The following PHLPP1 variants were observed in gnomAD, a reference collection of about 807,000 sequenced individuals.
The protein encoded by PHLPP1 is PH domain and leucine rich repeat protein phosphatase 1.
PHLPP1 carries 42 observed loss-of-function variants against 117.2 expected under a neutral mutation model. The ratio of observed to expected loss-of-function variants is 0.36; its 90% confidence interval spans 0.28 to 0.46. PHLPP1 has a LOEUF of 0.46. PHLPP1 is among the 20% of genes least tolerant of loss of function. PHLPP1 has a pLI of 1.00. For synonymous variants in PHLPP1, 1,042 were observed against 970.7 expected (o/e 1.07, Z -1.37); for missense variants, 2,084 against 2,241.9 (o/e 0.93, Z 1.42).
rs1044518652 is a variant in PHLPP1 at position 62,925,596 on chromosome 18, G to T, written c.2960+5482G>T. ...GCATGATCGATTGACCATGACAACT[G>T]GTGCCTTTTGGCAAAGACAGATATT... is the stretch of plus-strand genomic sequence containing the variant. On this transcript the variant is annotated intron_variant, in intron 10 of 16. Transcript: ENST00000262719. Among the ~76,000 whole-genome samples the T allele has an allele frequency of 8.5e-5, 13 of 152,084 alleles. 1 individual carries two copies. The highest frequency in any genetic ancestry group is 3.1e-4 in the African/African-American group (13 of 41,354).
intron 3 of PHLPP1, chr18:62,839,692 T>C (rs919183784): frequency 6.7e-6 from 1 of 148,358 alleles, no homozygotes; most frequent in Non-Finnish European, 1.5e-5. Flanking sequence ...ACTACAGCCT[T>C]GGTGACAGAG....
intron 8 of PHLPP1, among the ~76,000 whole-genome samples, chr18:62,911,906 T>C (rs1916957398): frequency 1.0e-4 from 1 of 10,022 alleles, no homozygotes; most frequent in Non-Finnish European, 2.0e-4. Flanking sequence ...CCAACCCAAA[T>C]GTCCAACAAT....
chr18:62,813,987 C>T (rs1324305336), intron 1 of PHLPP1, among the ~76,000 whole-genome samples: 2 of 151,448 alleles, frequency 1.3e-5, no homozygotes, highest in African/African-American at 2.4e-5. Flanking sequence ...TACTTTAGCC[C>T]TATGTTTGCA....
In PHLPP1 at chr18:62,978,759, C is replaced by T. The variant is rs1360908548; in HGVS notation, c.4482C>T (p.Ala1494=). The T allele has an allele frequency of 1.9e-6, 3 of 1,613,208 alleles. No homozygotes were observed. The highest frequency in any genetic ancestry group is 2.5e-6 in the Non-Finnish European group (3 of 1,179,780). ...TGAGCAGCGAGGTGGGGTCAACAGC[C>T]TCCGATGAGCCCCCGCCCGGAGCCC... is the stretch of plus-strand genomic sequence containing the variant. The part of the protein sequence containing the change: ...SEMSSEVGST[A]SDEPPPGALS... The change falls in exon 17 of 17, where the codon GCC becomes GCT. Residue 1494 remains alanine, a synonymous_variant. Coordinates refer to ENST00000262719, the MANE Select transcript of PHLPP1 (RefSeq NM_194449.4). This position sits in a 1 kb window ranked among gnomAD's most constrained non-coding sequence, Gnocchi z 7.0.
At chr18:62,836,347 G>A (rs960535847) in intron 2 of PHLPP1, among the ~76,000 whole-genome samples, 2 of 151,406 alleles carry the variant, frequency 1.3e-5, no homozygotes, top group African/African-American at 2.4e-5. Flanking sequence ...CAGGAGAATC[G>A]CTTGAACCTG....
At chr18:62,945,309 C>A in intron 12 of PHLPP1, 38 bp downstream of exon 12, 2 of 1,521,678 alleles carry the variant, frequency 1.3e-6, no homozygotes, top group South Asian at 2.6e-5. Flanking sequence ...AGCTTCAGGT[C>A]GGCAAAGAAA....
intron 3 of PHLPP1, among the ~76,000 whole-genome samples, chr18:62,844,229 C>CA (rs1475980348): frequency 6.6e-6 from 1 of 152,088 alleles, no homozygotes; most frequent in Non-Finnish European, 1.5e-5. Flanking sequence ...CCCAGCTACT[C>CA]AGGAGGCTGA....
intron 1 of PHLPP1, among the ~76,000 whole-genome samples, chr18:62,718,452 C>T (rs1910826370): frequency 6.6e-6 from 1 of 152,194 alleles, no homozygotes; most frequent in African/African-American, 2.4e-5. Context: ...TTTACTCCCA[C>T]ATTGAAATAT....
intron 8 of PHLPP1, among the ~76,000 whole-genome samples, chr18:62,912,936 G>T (rs961437297): frequency 1.3e-5 from 2 of 152,154 alleles, no homozygotes; most frequent in African/African-American, 4.8e-5. Context: ...GTATTTTCAA[G>T]AATTAGTCAT....
At chr18:62,856,859 C>T (rs759861052) in intron 3 of PHLPP1, among the ~76,000 whole-genome samples, 2 of 152,254 alleles carry the variant, frequency 1.3e-5, no homozygotes, top group African/African-American at 2.4e-5. Context: ...TTTCAGTGGG[C>T]ACCACTCTCA....
chr18:62,900,493 G>A (rs1916695097), intron 6 of PHLPP1, among the ~76,000 whole-genome samples: 1 of 117,964 alleles, frequency 8.5e-6, no homozygotes, highest in Admixed American at 1.2e-4. Context: ...ACCCAAGCTG[G>A]AATGCAATCA....
intron 10 of PHLPP1, among the ~76,000 whole-genome samples, chr18:62,936,399 T>C (rs1215317413): frequency 1.3e-5 from 2 of 152,122 alleles, no homozygotes; most frequent in African/African-American, 4.8e-5. Flanking sequence ...GAAAAATCAC[T>C]TGGCAAACAA....
chr18:62,844,219 C>T (rs1168134211), intron 3 of PHLPP1, among the ~76,000 whole-genome samples: 2 of 152,096 alleles, frequency 1.3e-5, no homozygotes, highest in Non-Finnish European at 2.9e-5. Flanking sequence ...TGTCTGTAAT[C>T]CCAGCTACTC....
In PHLPP1 at chr18:62,766,077, ATATATATATATATATATATATATAT is replaced by A. The variant is rs1293715426; in HGVS notation, c.1576+48819_1576+48843del. ...CTCCATCTCAAAAAAAAAAAAAAAA[ATATATATATATATATATATATATAT>A]AAAATATATATATATTTGTACAGAA... On this transcript the variant is annotated intron_variant, in intron 1 of 16. Coordinates refer to ENST00000262719, the MANE Select transcript of PHLPP1 (RefSeq NM_194449.4). Among the ~76,000 whole-genome samples the A allele has an allele frequency of 1.3e-3, 28 of 20,986 alleles. 2 individuals are homozygous for A. The highest frequency in any genetic ancestry group is 9.8e-3 in the Admixed American group (18 of 1,832). The allele number at this position is 20,986 out of a possible 152,430, so 13.8% of individuals were successfully genotyped here.
intron 14 of PHLPP1, among the ~76,000 whole-genome samples, chr18:62,970,338 C>T (rs1911017162): frequency 6.6e-6 from 1 of 152,132 alleles, no homozygotes; most frequent in Non-Finnish European, 1.5e-5. Flanking sequence ...TAGTTATTTT[C>T]TAAAGCAGTG....
chr18:62,792,512 A>T (rs1284336792), intron 1 of PHLPP1, among the ~76,000 whole-genome samples: 1 of 152,148 alleles, frequency 6.6e-6, no homozygotes, highest in Non-Finnish European at 1.5e-5. Context: ...CCTTCTAATC[A>T]GTGTATTCTG....
chr18:62,833,067 A>G (rs1914797543), intron 2 of PHLPP1, among the ~76,000 whole-genome samples: 1 of 152,170 alleles, frequency 6.6e-6, no homozygotes, highest in Non-Finnish European at 1.5e-5. Context: ...AGATTTTTAA[A>G]TAATGTATTA....
chr18:62,786,975 C>T (rs763642891), intron 1 of PHLPP1, among the ~76,000 whole-genome samples: 3 of 152,118 alleles, frequency 2.0e-5, no homozygotes, highest in Non-Finnish European at 4.4e-5. Context: ...CCATCTTAGA[C>T]TTTATCTAGA....
At chr18:62,799,080 G>A (rs1166510673) in intron 1 of PHLPP1, among the ~76,000 whole-genome samples, 1 of 152,128 alleles carries the variant, frequency 6.6e-6, no homozygotes, top group Admixed American at 6.5e-5. Flanking sequence ...ATTCTCTACT[G>A]AATGGAGTTC....
Sources: allele counts gnomAD v4.1 joint callset (sites outside exome capture counted in the v4.1 genomes callset), GRCh38; gene constraint gnomAD v4.1.1; non-coding constraint Gnocchi (gnomAD v3.1); transcripts MANE v1.5; gene names NCBI Gene and HGNC (gene_info 2026-07-23, HGNC 2026-07-21).